Variants in PDCD11 observed in about 807,000 individuals in gnomAD.
PDCD11 encodes programmed cell death 11.
A neutral mutation model predicts 198.9 loss-of-function variants in PDCD11; 97 were observed. The ratio of observed to expected loss-of-function variants is 0.49; its 90% confidence interval spans 0.41 to 0.58. PDCD11 has a LOEUF of 0.58. Ranked by LOEUF, PDCD11 falls within the 20% of genes least tolerant of loss-of-function variation. The pLI, the probability that PDCD11 is intolerant of heterozygous loss-of-function variation, is 0.00. For synonymous variants in PDCD11, 893 were observed against 918.0 expected, an observed-to-expected ratio of 0.97 and a Z score of 0.49; for missense variants, 2,102 against 2,312.7, an observed-to-expected ratio of 0.91 and a Z score of 1.87.
At chr10:103,437,038 C>T in intron 25 of PDCD11, among the ~76,000 whole-genome samples, 1 of 152,218 alleles carries the variant, frequency 6.6e-6, no homozygotes, top group South Asian at 2.1e-4. Flanking sequence ...GTTAGTGTGT[C>T]TCTCTGCTGA....
intron 22 of PDCD11, among the ~76,000 whole-genome samples, chr10:103,433,008 G>A (rs1044150566): frequency 1.3e-5 from 2 of 151,940 alleles, no homozygotes; most frequent in African/African-American, 2.4e-5. Flanking sequence ...ACCTTCCCTC[G>A]TTACTAGTTC....
intron 14 of PDCD11, 114 bp downstream of exon 14, chr10:103,418,046 A>G: frequency 8.2e-7 from 1 of 1,220,986 alleles, no homozygotes; most frequent in Non-Finnish European, 1.2e-6. Flanking sequence ...TAGCTAGATA[A>G]GATTTTGGGG....
At chr10:103,405,964 G>T in intron 5 of PDCD11, 21 bp from the exon 6 acceptor site, 1 of 1,612,282 alleles carries the variant, frequency 6.2e-7, no homozygotes. Flanking sequence ...GGAACTTCTG[G>T]GACTACTTTC....
intron 16 of PDCD11, among the ~76,000 whole-genome samples, chr10:103,420,541 A>G (rs1299576607): frequency 6.6e-6 from 1 of 152,086 alleles, no homozygotes; most frequent in Non-Finnish European, 1.5e-5. Flanking sequence ...TATTGAGGGG[A>G]TGGGACTCAC....
chr10:103,423,168 G>A lies in PDCD11; in HGVS notation c.2647+31G>A, dbSNP rs771275900. On this transcript the variant is annotated intron_variant, in intron 18 of 35. Transcript: ENST00000369797. ...TGCTTCTGTCTTACCCATTGTGGTT[G>A]GTGGGAGGACCCTTTGTCCATTGCT... The A allele has an allele frequency of 2.1e-5, 32 of 1,515,008 alleles. No individual in the cohort carries two copies. In the Middle Eastern group the frequency reaches 8.9e-4, roughly 42 times the overall value. The allele number at this position is 1,515,008 out of a possible 1,614,324, so 93.8% of individuals were successfully genotyped here.
In PDCD11 at chr10:103,414,019, A is replaced by G. The variant is rs781121987; in HGVS notation, c.1239A>G (p.Pro413=). 6.2e-7 allele frequency: 1 copy of G among 1,613,824 alleles called. No homozygotes were observed. Among genetic ancestry groups the G allele is most frequent in the Non-Finnish European group, 8.5e-7 (1 of 1,179,910 alleles). The part of the protein sequence containing the change: ...KNVFNPEAFK[P]GNTHKCRIID... ...TCTTCAATCCTGAGGCCTTCAAGCC[A>G]GGGAACACTCACAAGTGTAGAATTA... Residue 413 remains proline, a synonymous_variant, in exon 10 of 36, where the codon CCA becomes CCG. Coordinates refer to ENST00000369797, the MANE Select transcript of PDCD11 (RefSeq NM_014976.2).
rs1189137985 is a variant in PDCD11 at position 103,396,704 on chromosome 10, T to C, written c.-38T>C. 2 of 152,476 alleles carry C rather than the reference T, an allele frequency of 1.3e-5. No homozygotes were observed. Among genetic ancestry groups the C allele is most frequent in the Non-Finnish European group, 2.9e-5 (2 of 68,294 alleles). 9.4% of individuals were successfully genotyped at this position (152,476 alleles called of 1,614,324 possible). A position where few individuals can be genotyped will look rare whatever the true frequency, so the allele number is the denominator to read the frequency against. ...GAGTACCGCGGCGCGAGGTTAGTGG[T>C]AGCTGGGTGCAGACGCCGTGGCGCT... is the stretch of plus-strand genomic sequence containing the variant. On this transcript the variant is annotated 5_prime_UTR_variant, in exon 1 of 36. Transcript: ENST00000369797.
chr10:103,398,702 T>C (rs1303821533), intron 2 of PDCD11, among the ~76,000 whole-genome samples, 174 bp downstream of exon 2: 1 of 152,240 alleles, frequency 6.6e-6, no homozygotes, highest in East Asian at 1.9e-4. Flanking sequence ...CTGTATCTTT[T>C]GAAGCTTGGC....
intron 26 of PDCD11, 91 bp downstream of exon 26, chr10:103,438,162 TC>T: frequency 2.1e-6 from 2 of 968,508 alleles, no homozygotes; most frequent in Middle Eastern, 4.6e-4. Context: ...ATTTTGGGCT[TC>T]CCACCTTCTC....
intron 21 of PDCD11, among the ~76,000 whole-genome samples, chr10:103,429,458 A>G (rs568889237): frequency 9.2e-5 from 14 of 151,952 alleles, no homozygotes; most frequent in Non-Finnish European, 1.9e-4. Flanking sequence ...TTTTCTCACA[A>G]TTTTGGAGGC....
chr10:103,403,908 T>G (rs1226398162), intron 4 of PDCD11, among the ~76,000 whole-genome samples: 2 of 152,162 alleles, frequency 1.3e-5, no homozygotes, highest in East Asian at 3.9e-4. Context: ...GTTCTAGGTT[T>G]CTGTTTTGCA....
chr10:103,444,693 C>T lies in PDCD11; in HGVS notation c.5444+11C>T, dbSNP rs1374700054. ...CCAGAAGGACGTCCGGTGAGTGGGGCAGCTGGCCAAGGCCGAGTTCCTCAG... is the reference window on the plus strand; with the variant it reads ...CCAGAAGGACGTCCGGTGAGTGGGGTAGCTGGCCAAGGCCGAGTTCCTCAG... On this transcript the variant is annotated intron_variant, in intron 35 of 35. Transcript: ENST00000369797. 6.2e-7 allele frequency: 1 copy of T among 1,612,866 alleles called. No individual in the cohort carries two copies. Among genetic ancestry groups the T allele is most frequent in the Admixed American group, 1.7e-5 (1 of 60,026 alleles).
At chr10:103,416,893 G>A in intron 13 of PDCD11, 151 bp downstream of exon 13, 1 of 882,988 alleles carries the variant, frequency 1.1e-6, no homozygotes, top group Non-Finnish European at 1.7e-6. Context: ...GAGGAGACGG[G>A]GAACAGAACA....
Position 103,416,672 on chromosome 10 carries a change from G to T in PDCD11, c.1700G>T (p.Gly567Val). 1 of 1,614,232 alleles carries T rather than the reference G, an allele frequency of 6.2e-7. No individual in the cohort carries two copies. Among genetic ancestry groups the T allele is most frequent in the Non-Finnish European group, 8.5e-7 (1 of 1,180,040 alleles). Residue 567 changes from glycine to valine, a missense_variant, in exon 13 of 36, where the codon GGA becomes GTA. By Grantham distance (109) the Gly-to-Val change is moderately radical. Coordinates refer to ENST00000369797, the MANE Select transcript of PDCD11 (RefSeq NM_014976.2). ...CIVKFYNNVQGLVPKHELSTE... is the reference protein window; with the variant it reads ...CIVKFYNNVQVLVPKHELSTE... ...GTGAAGTTCTACAACAATGTGCAGGGACTGGTGCCCAAGCATGAGCTCAGT... is the reference window on the plus strand; with the variant it reads ...GTGAAGTTCTACAACAATGTGCAGGTACTGGTGCCCAAGCATGAGCTCAGT...
At position 103,418,572 on chromosome 10, in the gene PDCD11, T is replaced by C; in HGVS notation, c.2044T>C (p.Trp682Arg). ...HVANGPLLHH[W>R]LQAGDILHRV... ...TGCCAACGGCCCATTGTTACATCAT[T>C]GGCTCCAGGCAGGTGACATCCTTCA... The change falls in exon 15 of 36, where the codon TGG (tryptophan) becomes CGG (arginine). Residue 682 changes from tryptophan (W) to arginine (R), a missense_variant. Physicochemically the swap from Trp to Arg is moderately radical, Grantham distance 101. Transcript: ENST00000369797. 1 of 1,614,170 alleles carries C rather than the reference T, an allele frequency of 6.2e-7. No homozygotes were observed. The highest frequency in any genetic ancestry group is 8.5e-7 in the Non-Finnish European group (1 of 1,180,030).
chr10:103,401,759 A>G (rs2030081969), intron 3 of PDCD11, among the ~76,000 whole-genome samples: 2 of 150,594 alleles, frequency 1.3e-5, no homozygotes, highest in South Asian at 2.1e-4. Flanking sequence ...TTTTTTTGAG[A>G]CGGAGTCTCG....
At position 103,423,227 on chromosome 10, in the gene PDCD11, C is replaced by G. The variant is rs921401278; in HGVS notation, c.2647+90C>G. ...TGGATATAGAATTTCTAAATACTTA[C>G]GGTAGGTGAGTTGATTCGGTAGAGA... is the stretch of plus-strand genomic sequence containing the variant. On this transcript the variant is annotated intron_variant, in intron 18 of 35. Coordinates refer to ENST00000369797, the MANE Select transcript of PDCD11 (RefSeq NM_014976.2). 23 of 1,321,824 alleles carry G rather than the reference C, an allele frequency of 1.7e-5. No homozygotes were observed. In the Admixed American group the frequency reaches 4.9e-4, roughly 28 times the overall value. 81.9% of individuals were successfully genotyped at this position (1,321,824 alleles called of 1,614,324 possible).
chr10:103,397,150 C>T (rs2093440488), intron 1 of PDCD11, among the ~76,000 whole-genome samples: 1 of 150,974 alleles, frequency 6.6e-6, no homozygotes, highest in African/African-American at 2.4e-5. Flanking sequence ...CTCCTGTCTT[C>T]TGTTTTCACT....
At position 103,442,273 on chromosome 10, in the gene PDCD11, C is replaced by T. The variant is rs576894256; in HGVS notation, c.4768C>T (p.Arg1590Cys). 1.2e-5 allele frequency: 19 copies of T among 1,614,196 alleles called. No homozygotes were observed. The highest frequency in any genetic ancestry group is 8.3e-5 in the Admixed American group (5 of 60,026). ...EKQKAEKELSRIEEALMDPGR... is the reference protein window; with the variant it reads ...EKQKAEKELSCIEEALMDPGR... ...GCAGAAGGCAGAGAAGGAACTGTCC[C>T]GCATTGAGGAGGCGCTGATGGATCC... The change falls in exon 32 of 36, where the codon CGC becomes TGC. Residue 1590 changes from arginine (R) to cysteine (C), a missense_variant. Coordinates refer to ENST00000369797, the MANE Select transcript of PDCD11 (RefSeq NM_014976.2).
Sources: allele counts gnomAD v4.1 joint callset (sites outside exome capture counted in the v4.1 genomes callset), GRCh38; gene constraint gnomAD v4.1.1; transcripts MANE v1.5; gene names NCBI Gene and HGNC (gene_info 2026-07-23, HGNC 2026-07-21).